Variants in HECTD4 observed in about 807,000 individuals in gnomAD.
The protein encoded by HECTD4 is HECT domain E3 ubiquitin protein ligase 4, also known as probable E3 ubiquitin-protein ligase HECTD4.
A neutral mutation model predicts 471.5 loss-of-function variants in HECTD4; 114 were observed. The observed-to-expected ratio is 0.24, with a 90% CI of 0.21 to 0.28. HECTD4 has a LOEUF of 0.28. Among genes scored for constraint, HECTD4 ranks in the 10% least tolerant of loss-of-function variants. The pLI, the probability that HECTD4 is intolerant of heterozygous loss-of-function variation, is 1.00. For missense variants in HECTD4, 3,866 were observed against 5,651.5 expected, an observed-to-expected ratio of 0.68 and a Z score of 10.13; for synonymous variants, 2,012 against 2,256.0, an observed-to-expected ratio of 0.89 and a Z score of 3.07.
rs61748839 is a variant in HECTD4 at position 112,163,713 on chromosome 12, C to T, written c.12726G>A (p.Ala4242=). 3.8e-3 allele frequency: 5,732 copies of T among 1,490,318 alleles called. 25 individuals are homozygous for T. The highest frequency in any genetic ancestry group is 3.9e-3 in the Non-Finnish European group (4,417 of 1,118,696). 92.3% of individuals were successfully genotyped at this position (1,490,318 alleles called of 1,614,324 possible). A position where few individuals can be genotyped will look rare whatever the true frequency, so the allele number is the denominator to read the frequency against. The change falls in exon 74 of 76, where the codon GCG becomes GCA. Residue 4242 remains alanine, a synonymous_variant. Transcript: ENST00000682272. This position sits in a 1 kb window ranked among gnomAD's most constrained non-coding sequence, Gnocchi z 8.2. The part of the protein sequence containing the change: ...LVAWENKDIY[A]AAIRSLRLRE... ...GCAGCCGCAGGCTCCGGATGGCTGC[C>T]GCGTAGATGTCCTTGTTCTCCCACC... is the stretch of plus-strand genomic sequence containing the variant.
intron 1 of HECTD4, among the ~76,000 whole-genome samples, chr12:112,369,592 G>C (rs1473502128): frequency 3.9e-5 from 6 of 152,020 alleles, no homozygotes; most frequent in African/African-American, 1.4e-4. Context: ...TGATCCACCT[G>C]CCTCAGCCTT....
chr12:112,372,811 C>T (rs1249478859), intron 1 of HECTD4, among the ~76,000 whole-genome samples: 1 of 152,044 alleles, frequency 6.6e-6, no homozygotes, highest in Non-Finnish European at 1.5e-5. Flanking sequence ...GGCTGGAGTA[C>T]AGTGACAGTC....
At chr12:112,223,612 G>A (rs1379557241) in intron 44 of HECTD4, among the ~76,000 whole-genome samples, 1 of 152,098 alleles carries the variant, frequency 6.6e-6, no homozygotes, top group African/African-American at 2.4e-5. Context: ...TAGAGACAGG[G>A]CTTCACCATA....
chr12:112,170,364 C>G lies in HECTD4; in HGVS notation c.12021G>C (p.Glu4007Asp). The change falls in exon 69 of 76, where the codon GAG (glutamate) becomes GAC (aspartate). Residue 4007 changes from glutamate (E) to aspartate (D), a missense_variant. By Grantham distance (45) the Glu-to-Asp change is conservative. This residue lies in a region of HECTD4 where 715 missense variants were observed against 1,087.6 expected (regional missense o/e 0.66). Coordinates refer to ENST00000682272, the MANE Select transcript of HECTD4 (RefSeq NM_001388303.1). ...CAATTTCCAGTGGGTCCAAGGTGAT[C>G]TCAGGGGCCGCGTGGTCCGCTGTCC... ...VQRTADHAAP[E>D]ITLDPLEIVG... 6.2e-7 allele frequency: 1 copy of G among 1,614,008 alleles called. No homozygotes were observed. Among genetic ancestry groups the G allele is most frequent in the Non-Finnish European group, 8.5e-7 (1 of 1,179,900 alleles).
In HECTD4 at chr12:112,183,164, T is replaced by C. The variant is rs2031739195; in HGVS notation, c.10882A>G (p.Met3628Val). The C allele has an allele frequency of 1.2e-6, 2 of 1,613,568 alleles. No homozygotes were observed. The highest frequency in any genetic ancestry group is 1.7e-6 in the Non-Finnish European group (2 of 1,179,574). The change falls in exon 62 of 76, where the codon ATG becomes GTG. Residue 3628 changes from methionine to valine, a missense_variant. By Grantham distance (21) the Met-to-Val change is conservative. This residue lies in a region of HECTD4 where 715 missense variants were observed against 1,087.6 expected (regional missense o/e 0.66). Transcript: ENST00000682272. The stretch of plus-strand genomic sequence containing the variant: ...ACGGTTAGAATCTCTTCTGTTGACA[T>C]TTCCATCAATTCATCTTCACCATCC... ...SLDGEDELME[M>V]STEEILTVSV...
intron 29 of HECTD4, among the ~76,000 whole-genome samples, chr12:112,244,493 C>T (rs2033712737): frequency 6.6e-6 from 1 of 152,174 alleles, no homozygotes. Flanking sequence ...CTCAGCCTCC[C>T]AAGTAGCTGC....
intron 49 of HECTD4, among the ~76,000 whole-genome samples, chr12:112,211,936 T>C (rs1408697363): frequency 2.0e-5 from 3 of 152,138 alleles, no homozygotes; most frequent in Non-Finnish European, 2.9e-5. Flanking sequence ...TATGTGAGCA[T>C]GGAGTTTAGG....
At position 112,167,597 on chromosome 12, in the gene HECTD4, A is replaced by G. The variant is rs1204279099; in HGVS notation, c.12313-59T>C. On this transcript the variant is annotated intron_variant, in intron 71 of 75. Coordinates refer to ENST00000682272, the MANE Select transcript of HECTD4 (RefSeq NM_001388303.1). ...CGTGGGCCTCTGTGCCCGCCAGGGA[A>G]CATGTGTTTCAAGCCACCATACCCT... 6 of 1,358,272 alleles carry G rather than the reference A, an allele frequency of 4.4e-6. No individual in the cohort carries two copies. In the African/African-American group the frequency reaches 8.7e-5, roughly 20 times the overall value. 84.1% of individuals were successfully genotyped at this position (1,358,272 alleles called of 1,614,324 possible).
chr12:112,238,264 G>A (rs2033561322), intron 34 of HECTD4, among the ~76,000 whole-genome samples: 1 of 151,994 alleles, frequency 6.6e-6, no homozygotes, highest in Non-Finnish European at 1.5e-5. Context: ...TGCCCAGGGA[G>A]TGTAGTGGCA....
At chr12:112,221,295 C>A (rs749288676) in intron 44 of HECTD4, among the ~76,000 whole-genome samples, 5 of 152,144 alleles carry the variant, frequency 3.3e-5, no homozygotes, top group Admixed American at 1.3e-4. Flanking sequence ...GTCTCTCAGG[C>A]TGGAGGGCAG....
chr12:112,228,346 T>C lies in HECTD4; in HGVS notation c.6685-88A>G. 2 of 1,295,518 alleles carry C rather than the reference T, an allele frequency of 1.5e-6. No individual in the cohort carries two copies. The highest frequency in any genetic ancestry group is 2.0e-6 in the Non-Finnish European group (2 of 988,656). 80.3% of individuals were successfully genotyped at this position (1,295,518 alleles called of 1,614,324 possible). A position where few individuals can be genotyped will look rare whatever the true frequency, so the allele number is the denominator to read the frequency against. On this transcript the variant is annotated intron_variant, in intron 42 of 75. Coordinates refer to ENST00000682272, the MANE Select transcript of HECTD4 (RefSeq NM_001388303.1). The surrounding 1 kb of genome is among the most constrained non-coding windows in gnomAD (Gnocchi z 4.9). ...GGGTGTTATTATTATCTGGAGTTAA[T>C]TCTTAAATTTTCAGTTAAAAAAATA...
intron 52 of HECTD4, among the ~76,000 whole-genome samples, chr12:112,206,842 C>G (rs1566072172): frequency 6.6e-6 from 1 of 151,912 alleles, no homozygotes. Flanking sequence ...GGCCTAGAAT[C>G]TGCTTTTTTT....
chr12:112,224,031 G>C (rs1317330821), intron 44 of HECTD4, among the ~76,000 whole-genome samples: 1 of 151,990 alleles, frequency 6.6e-6, no homozygotes, highest in Middle Eastern at 3.2e-3. Context: ...AAATAACTCT[G>C]TCTTTTCTAC....
At chr12:112,169,775 G>A (rs780005369) in intron 69 of HECTD4, 117 bp from the exon 70 acceptor site, 7 of 1,193,518 alleles carry the variant, frequency 5.9e-6, no homozygotes, top group Admixed American at 5.5e-5. Flanking sequence ...CTGCTCCCTC[G>A]CTCGGCCCCC....
chr12:112,377,795 G>A (rs1248275245), intron 1 of HECTD4, among the ~76,000 whole-genome samples: 1 of 152,096 alleles, frequency 6.6e-6, no homozygotes, highest in African/African-American at 2.4e-5. Context: ...GCTTGAACCC[G>A]TGAGGTGGAG....
At chr12:112,301,008 C>G (rs991805557) in intron 7 of HECTD4, among the ~76,000 whole-genome samples, 2 of 152,082 alleles carry the variant, frequency 1.3e-5, no homozygotes, top group African/African-American at 4.8e-5. Context: ...CCTCAGCCTC[C>G]CGAGTAGCTG....
chr12:112,215,497 C>G (rs2032893578), intron 48 of HECTD4, among the ~76,000 whole-genome samples: 1 of 152,198 alleles, frequency 6.6e-6, no homozygotes, highest in South Asian at 2.1e-4. Context: ...CTATACAGAT[C>G]TAGTTATTTA....
intron 1 of HECTD4, among the ~76,000 whole-genome samples, chr12:112,354,651 ACAC>A (rs765078111): frequency 6.6e-6 from 1 of 152,120 alleles, no homozygotes; most frequent in Non-Finnish European, 1.5e-5. Context: ...GCGCCATTGC[ACAC>A]CAGCTTGGGC....
chr12:112,379,584 C>T (rs1566131088), intron 1 of HECTD4, among the ~76,000 whole-genome samples: 2 of 151,994 alleles, frequency 1.3e-5, no homozygotes, highest in Non-Finnish European at 2.9e-5. Context: ...ATCCCAGCTA[C>T]TTGGGAGGCT....
Sources: gnomAD v4.1 joint callset for allele counts (sites outside exome capture counted in the v4.1 genomes callset) on GRCh38, gnomAD v4.1.1 for gene constraint, gnomAD v4.1.1 regional missense constraint, Gnocchi (gnomAD v3.1) non-coding constraint, MANE v1.5 for transcripts, NCBI Gene and HGNC (gene_info 2026-07-23, HGNC 2026-07-21) for gene names.